The following ZFP2 variants were observed in gnomAD, a reference collection of about 807,000 sequenced individuals.
ZFP2 encodes the protein ZFP2 zinc finger protein.
ZFP2 carries 33 observed loss-of-function variants against 36.1 expected under a neutral mutation model. The observed-to-expected ratio is 0.92, with a 90% CI of 0.69 to 1.22. ZFP2 has a LOEUF of 1.22. Ranked by LOEUF, ZFP2 falls within the 50% of genes most tolerant of loss-of-function variation. The probability of loss-of-function intolerance (pLI) is 0.00; values close to 1 mark genes in which losing one functional copy is unlikely to be tolerated. For synonymous variants in ZFP2, 170 were observed against 178.0 expected, an observed-to-expected ratio of 0.96 and a Z score of 0.36; for missense variants, 522 against 551.4, an observed-to-expected ratio of 0.95 and a Z score of 0.53.
At chr5:178,901,987 G>A (rs1220703687) in intron 1 of ZFP2, among the ~76,000 whole-genome samples, 1 of 151,918 alleles carries the variant, frequency 6.6e-6, no homozygotes, top group Non-Finnish European at 1.5e-5. Flanking sequence ...TACAAAAAAT[G>A]AACCGGGCGT....
rs1044103938 is a variant in ZFP2, at chr5:178,924,266, G to A, written c.-77-6971G>A. On this transcript the variant is annotated intron_variant, in intron 4 of 4. Coordinates refer to ENST00000361362, the MANE Select transcript of ZFP2 (RefSeq NM_030613.4). ...CGGGCACCTATAGTCCCAGCTACTC[G>A]GGAGGCTGAGGCAGGAGAATGGCGT... 5.4e-5 allele frequency among the ~76,000 whole-genome samples: 8 copies of A among 147,452 alleles called. 1 individual carries two copies. Among genetic ancestry groups the A allele is most frequent in the Admixed American group, 1.4e-4 (2 of 14,664 alleles).
At chr5:178,912,831 A>G in intron 2 of ZFP2, 112 bp downstream of exon 2, 1 of 919,376 alleles carries the variant, frequency 1.1e-6, no homozygotes, top group Non-Finnish European at 1.3e-6. Flanking sequence ...CAGAAGATTG[A>G]AATTTTCTGT....
At chr5:178,908,939 C>G (rs1222562666) in intron 1 of ZFP2, among the ~76,000 whole-genome samples, 2 of 152,124 alleles carry the variant, frequency 1.3e-5, no homozygotes, top group African/African-American at 4.8e-5. Flanking sequence ...GGGTCTAAAA[C>G]CCCTCGTGGC....
chr5:178,909,098 CAG>C (rs1158116072), intron 1 of ZFP2, among the ~76,000 whole-genome samples: 1 of 137,018 alleles, frequency 7.3e-6, no homozygotes, highest in Admixed American at 7.2e-5. Flanking sequence ...ATCCAGGGCT[CAG>C]GGCGTAAAAC....
intron 4 of ZFP2, chr5:178,922,095 A>G: frequency 9.1e-7 from 1 of 1,100,434 alleles, no homozygotes; most frequent in South Asian, 1.2e-5. Context: ...AGACTACTGT[A>G]TACCCATCTT....
At chr5:178,907,039 T>G (rs748285554) in intron 1 of ZFP2, among the ~76,000 whole-genome samples, 17 of 152,210 alleles carry the variant, frequency 1.1e-4, no homozygotes, top group Admixed American at 3.3e-4. Flanking sequence ...TGAAACCAGG[T>G]AGGACCAGAG....
intron 1 of ZFP2, among the ~76,000 whole-genome samples, chr5:178,904,795 C>T (rs749124648): frequency 1.1e-4 from 16 of 149,970 alleles, no homozygotes; most frequent in Non-Finnish European, 1.9e-4. Flanking sequence ...CTCTGCCTGC[C>T]GGGTTCAAGG....
intron 4 of ZFP2, among the ~76,000 whole-genome samples, chr5:178,928,821 T>A (rs1050245578): frequency 5.3e-5 from 8 of 152,240 alleles, no homozygotes; most frequent in Non-Finnish European, 1.5e-5. Context: ...ACATTTCTCC[T>A]CTGCACTGCC....
chr5:178,920,932 GTCT>G (rs1177222104), intron 4 of ZFP2, among the ~76,000 whole-genome samples: 2 of 152,292 alleles, frequency 1.3e-5, no homozygotes, highest in East Asian at 1.9e-4. Flanking sequence ...AAAACTCTAT[GTCT>G]TCTTGAAATC....
At chr5:178,928,854 C>A (rs1758754873) in intron 4 of ZFP2, among the ~76,000 whole-genome samples, 1 of 152,252 alleles carries the variant, frequency 6.6e-6, no homozygotes, top group South Asian at 2.1e-4. Context: ...CTCTGTGTGG[C>A]CTCTGCCCCT....
intron 1 of ZFP2, among the ~76,000 whole-genome samples, chr5:178,904,266 G>T: frequency 6.6e-6 from 1 of 152,120 alleles, no homozygotes; most frequent in South Asian, 2.1e-4. Flanking sequence ...AGTAAGAGAG[G>T]CAAGATCTCC....
intron 1 of ZFP2, among the ~76,000 whole-genome samples, chr5:178,909,332 T>G (rs1424890771): frequency 6.6e-6 from 1 of 152,202 alleles, no homozygotes; most frequent in Non-Finnish European, 1.5e-5. Context: ...TCCATATGCT[T>G]CAAAGAAAAT....
intron 1 of ZFP2, among the ~76,000 whole-genome samples, chr5:178,898,735 C>G (rs1051309250): frequency 6.6e-6 from 1 of 152,224 alleles, no homozygotes; most frequent in Admixed American, 6.5e-5. Flanking sequence ...GTGGGCCTCA[C>G]TGCTCAGGAC....
Position 178,908,149 on chromosome 5 carries a change from T to C in ZFP2, c.-449-4435T>C, listed in dbSNP as rs114132704. 7.0e-3 allele frequency among the ~76,000 whole-genome samples: 1,073 copies of C among 152,236 alleles called. 8 individuals are homozygous for C. Among genetic ancestry groups the C allele is most frequent in the Non-Finnish European group, 0.013 (864 of 68,016 alleles). On this transcript the variant is annotated intron_variant, in intron 1 of 4. Coordinates refer to ENST00000361362, the MANE Select transcript of ZFP2 (RefSeq NM_030613.4). ...CTCCTATTCAAATCTGTGTAAATCTTTAAAAATAATTATTACTGGCTGGGC... is the reference window on the plus strand; with the variant it reads ...CTCCTATTCAAATCTGTGTAAATCTCTAAAAATAATTATTACTGGCTGGGC...
chr5:178,911,296 G>C (rs1039304634), intron 1 of ZFP2, among the ~76,000 whole-genome samples: 1 of 152,038 alleles, frequency 6.6e-6, no homozygotes, highest in African/African-American at 2.4e-5. Context: ...TTTGCCCTCT[G>C]TCTCGTATTC....
Position 178,916,498 on chromosome 5 carries a change from G to T in ZFP2, c.-223-67G>T, listed in dbSNP as rs1053997362. On this transcript the variant is annotated intron_variant, in intron 3 of 4. Transcript: ENST00000361362. ...GCAGTGGGAGAAACTAAAGATAGGC[G>T]AAAGTTGAATGGAAAGGAGCCCATA... 2.9e-5 allele frequency: 28 copies of T among 965,030 alleles called. No homozygotes were observed. The Admixed American group carries it at 4.9e-4, about 17-fold the overall frequency. The allele number at this position is 965,030 out of a possible 1,614,324, so 59.8% of individuals were successfully genotyped here.
In ZFP2 at chr5:178,930,314, C is replaced by CTTTTTTTTTTTT. The variant is rs990713790; in HGVS notation, c.-77-910_-77-899dup. On this transcript the variant is annotated intron_variant, in intron 4 of 4. Coordinates refer to ENST00000361362, the MANE Select transcript of ZFP2 (RefSeq NM_030613.4). The stretch of plus-strand genomic sequence containing the variant: ...ATTTCTTTCTTTTTTTTTCCCTTTC[C>CTTTTTTTTTTTT]TTTTTTTTTTTTTTTTTTTTTTTTG... 6.4e-4 allele frequency among the ~76,000 whole-genome samples: 46 copies of CTTTTTTTTTTTT among 71,372 alleles called. 1 individual carries two copies. Among genetic ancestry groups the CTTTTTTTTTTTT allele is most frequent in the Non-Finnish European group, 7.4e-4 (30 of 40,632 alleles). 46.8% of individuals were successfully genotyped at this position (71,372 alleles called of 152,430 possible).
intron 4 of ZFP2, among the ~76,000 whole-genome samples, chr5:178,927,663 ATGTGTGTGTGTGTG>A (rs33974182): frequency 4.0e-3 from 370 of 92,572 alleles, no homozygotes; most frequent in Middle Eastern, 0.019. Context: ...TACCTGGCCA[ATGTGTGTGTGTGTG>A]TGTGTGTGTG....
Position 178,910,937 on chromosome 5 carries a change from T to C in ZFP2, c.-449-1647T>C, listed in dbSNP as rs562715530. On this transcript the variant is annotated intron_variant, in intron 1 of 4. Coordinates refer to ENST00000361362, the MANE Select transcript of ZFP2 (RefSeq NM_030613.4). ...TATAGGGAAAAAAGGTTCCTTTTAA[T>C]AGGGAAAGCGAACCATTGGTGTTTG... is the stretch of plus-strand genomic sequence containing the variant. Among the ~76,000 whole-genome samples the C allele has an allele frequency of 6.0e-4, 92 of 152,310 alleles. 1 individual carries two copies. Among genetic ancestry groups the C allele is most frequent in the Non-Finnish European group, 2.2e-4 (15 of 68,030 alleles).
Sources: allele counts gnomAD v4.1 joint callset (sites outside exome capture counted in the v4.1 genomes callset), GRCh38; gene constraint gnomAD v4.1.1; transcripts MANE v1.5; gene names NCBI Gene and HGNC (gene_info 2026-07-23, HGNC 2026-07-21).